Variants in KCNH7 observed in about 807,000 individuals in gnomAD.
KCNH7 encodes the protein potassium voltage-gated channel subfamily H member 7.
A neutral mutation model predicts 120.8 loss-of-function variants in KCNH7; 49 were observed. The ratio of observed to expected loss-of-function variants is 0.41; its 90% CI spans 0.32 to 0.51. The LOEUF (loss-of-function observed/expected upper bound fraction) is 0.51, where lower values mean the gene tolerates loss of function less well. KCNH7 is among the 20% of genes least tolerant of loss of function. KCNH7 has a pLI of 0.38. For missense variants in KCNH7, 1,097 were observed against 1,446.6 expected (o/e 0.76, Z 3.92); for synonymous variants, 547 against 516.1 (o/e 1.06, Z -0.81).
intron 2 of KCNH7, among the ~76,000 whole-genome samples, chr2:162,816,137 A>T (rs992491451): frequency 6.6e-6 from 1 of 151,780 alleles, no homozygotes; most frequent in Non-Finnish European, 1.5e-5. Context: ...CATGCCTGTA[A>T]TCCCAGCTAC....
chr2:162,634,955 T>C (rs188984594), intron 2 of KCNH7, among the ~76,000 whole-genome samples: 2 of 152,234 alleles, frequency 1.3e-5, no homozygotes, highest in African/African-American at 4.8e-5. Context: ...CACCACACTG[T>C]CTAACATGTG....
At chr2:162,623,775 C>A (rs769300738) in intron 2 of KCNH7, among the ~76,000 whole-genome samples, 11 of 152,108 alleles carry the variant, frequency 7.2e-5, no homozygotes, top group Non-Finnish European at 1.6e-4. Context: ...GCAGTGAATG[C>A]GCCTGGTACA....
At chr2:162,495,294 T>C (rs1419994428) in intron 6 of KCNH7, among the ~76,000 whole-genome samples, 2 of 152,166 alleles carry the variant, frequency 1.3e-5, no homozygotes. Flanking sequence ...AAAGAGTCCC[T>C]GTACAGGGTT....
At chr2:162,733,463 C>T (rs1024128796) in intron 2 of KCNH7, among the ~76,000 whole-genome samples, 26 of 152,192 alleles carry the variant, frequency 1.7e-4, no homozygotes, top group Middle Eastern at 3.2e-3. Context: ...TCATGTAAAT[C>T]TGCCTTCTGT....
At chr2:162,760,226 G>A (rs1417589827) in intron 2 of KCNH7, among the ~76,000 whole-genome samples, 2 of 152,012 alleles carry the variant, frequency 1.3e-5, no homozygotes, top group African/African-American at 2.4e-5. Flanking sequence ...TAACCACCTT[G>A]CATAATTTTC....
intron 6 of KCNH7, among the ~76,000 whole-genome samples, chr2:162,478,877 A>G (rs929130076): frequency 6.6e-6 from 1 of 152,180 alleles, no homozygotes; most frequent in Non-Finnish European, 1.5e-5. Flanking sequence ...CCTGGAATGC[A>G]TCCCGTTTTA....
intron 2 of KCNH7, among the ~76,000 whole-genome samples, chr2:162,564,388 G>C (rs1219777263): frequency 6.6e-6 from 1 of 152,094 alleles, no homozygotes. Context: ...CCTTGAAAGG[G>C]AATGTTACAT....
chr2:162,549,501 A>T (rs983844752), intron 2 of KCNH7, among the ~76,000 whole-genome samples: 2 of 152,196 alleles, frequency 1.3e-5, no homozygotes, highest in African/African-American at 4.8e-5. Flanking sequence ...TCTGAGATAA[A>T]GTCCTATATC....
chr2:162,479,538 TTTCA>T (rs1178135461), intron 6 of KCNH7, among the ~76,000 whole-genome samples: 1 of 152,212 alleles, frequency 6.6e-6, no homozygotes, highest in Non-Finnish European at 1.5e-5. Flanking sequence ...TTCTTGTTTA[TTTCA>T]TTTTTATAGA....
intron 2 of KCNH7, among the ~76,000 whole-genome samples, chr2:162,785,919 C>T (rs1286025461): frequency 6.6e-6 from 1 of 152,220 alleles, no homozygotes; most frequent in East Asian, 1.9e-4. Flanking sequence ...TAAACTCTCC[C>T]TTTCAATGGT....
chr2:162,425,266 T>C (rs1268186699), intron 8 of KCNH7, among the ~76,000 whole-genome samples: 1 of 152,056 alleles, frequency 6.6e-6, no homozygotes, highest in Non-Finnish European at 1.5e-5. Context: ...TCTCTTTATA[T>C]CTTTATCTAT....
At chr2:162,586,800 C>G (rs927593362) in intron 2 of KCNH7, among the ~76,000 whole-genome samples, 1 of 151,314 alleles carries the variant, frequency 6.6e-6, no homozygotes, top group Non-Finnish European at 1.5e-5. Flanking sequence ...ATAATTTTCA[C>G]CATGCCATAA....
At chr2:162,455,268 C>A (rs528112003) in intron 6 of KCNH7, among the ~76,000 whole-genome samples, 2 of 152,124 alleles carry the variant, frequency 1.3e-5, no homozygotes, top group East Asian at 1.9e-4. Context: ...ACCAGCCTTG[C>A]GTCCCAGGGA....
chr2:162,803,839 T>C (rs930426694), intron 2 of KCNH7, among the ~76,000 whole-genome samples: 2 of 151,774 alleles, frequency 1.3e-5, no homozygotes, highest in Non-Finnish European at 3.0e-5. Flanking sequence ...TTGCATTTTT[T>C]ACTTACAGGA....
At chr2:162,374,597 C>T (rs1686094116) in intron 14 of KCNH7, among the ~76,000 whole-genome samples, 1 of 152,044 alleles carries the variant, frequency 6.6e-6, no homozygotes, top group Admixed American at 6.6e-5. Context: ...AAAGGAAAAT[C>T]ATAGGATTAA....
At chr2:162,464,272 T>G (rs1485160845) in intron 6 of KCNH7, among the ~76,000 whole-genome samples, 1 of 152,046 alleles carries the variant, frequency 6.6e-6, no homozygotes. Flanking sequence ...TTTCTCTTGA[T>G]TCTAAATGGT....
Position 162,652,387 on chromosome 2 carries a change from C to T in KCNH7, c.308-115307G>A, listed in dbSNP as rs113044418. On this transcript the variant is annotated intron_variant, in intron 2 of 15. Transcript: ENST00000332142. ...AGCAGCCCTCAACCTTTTTTGCCAC[C>T]AGGGACCAGTGTTAGAAAGACTTGG... 4.6e-3 allele frequency among the ~76,000 whole-genome samples: 698 copies of T among 151,902 alleles called. 7 individuals carry two copies. Among genetic ancestry groups the T allele is most frequent in the African/African-American group, 0.016 (659 of 41,444 alleles).
chr2:162,704,227 T>C (rs1244779877), intron 2 of KCNH7, among the ~76,000 whole-genome samples: 3 of 152,114 alleles, frequency 2.0e-5, no homozygotes, highest in Non-Finnish European at 4.4e-5. Context: ...TCCTATGTTT[T>C]AGTTCCCCCA....
At chr2:162,518,251 G>T in intron 3 of KCNH7, 93 bp from the exon 4 acceptor site, 1 of 931,252 alleles carries the variant, frequency 1.1e-6, no homozygotes, top group Non-Finnish European at 1.6e-6. Flanking sequence ...TAAACACCAT[G>T]TAAAAATAAT....
Sources: gnomAD v4.1 joint callset for allele counts (sites outside exome capture counted in the v4.1 genomes callset) on GRCh38, gnomAD v4.1.1 for gene constraint, MANE v1.5 for transcripts, NCBI Gene and HGNC (gene_info 2026-07-23, HGNC 2026-07-21) for gene names.